The following UNC5A variants were observed in gnomAD, a reference collection of about 807,000 sequenced individuals.
UNC5A encodes unc-5 netrin receptor A, also known as netrin receptor UNC5A.
A neutral mutation model predicts 87.4 loss-of-function variants in UNC5A; 20 were observed. The ratio of observed to expected loss-of-function variants is 0.23; its 90% CI spans 0.16 to 0.33. The LOEUF (loss-of-function observed/expected upper bound fraction) is 0.33, where lower values mean the gene tolerates loss of function less well. Ranked by LOEUF, UNC5A falls within the 10% of genes least tolerant of loss-of-function variation. The pLI is 1.00. For synonymous variants in UNC5A, 438 were observed against 482.3 expected, an observed-to-expected ratio of 0.91 and a Z score of 1.20; for missense variants, 844 against 1,133.4, an observed-to-expected ratio of 0.74 and a Z score of 3.67.
At chr5:176,856,038 C>A (rs1296060813) in intron 1 of UNC5A, among the ~76,000 whole-genome samples, 2 of 152,226 alleles carry the variant, frequency 1.3e-5, no homozygotes, top group Non-Finnish European at 2.9e-5. Flanking sequence ...CCTGGGGAAG[C>A]AGCACCCACC....
intron 1 of UNC5A, among the ~76,000 whole-genome samples, chr5:176,813,022 G>A (rs748337173): frequency 6.6e-6 from 1 of 152,210 alleles, no homozygotes; most frequent in African/African-American, 2.4e-5. Context: ...GGGGGCCAGC[G>A]CGACTGACTG....
At chr5:176,814,995 C>T (rs2113577776) in intron 1 of UNC5A, among the ~76,000 whole-genome samples, 1 of 152,260 alleles carries the variant, frequency 6.6e-6, no homozygotes, top group East Asian at 1.9e-4. Flanking sequence ...AAACTAGGCC[C>T]CATCCTGGGG....
chr5:176,843,313 C>A (rs1460170475), intron 1 of UNC5A, among the ~76,000 whole-genome samples: 1 of 152,228 alleles, frequency 6.6e-6, no homozygotes, highest in African/African-American at 2.4e-5. Flanking sequence ...TGGGTTCAGG[C>A]CACTCAGAGG....
rs142998960 is a variant in UNC5A at position 176,878,025 on chromosome 5, C to T, written c.1767C>T (p.Ala589=). 25 of 1,608,082 alleles carry T rather than the reference C, an allele frequency of 1.6e-5. No homozygotes were observed. Among genetic ancestry groups the T allele is most frequent in the African/African-American group, 5.3e-5 (4 of 74,922 alleles). ...TGGGAGAGGCCCTCAGCGTGGCTGC[C>T]GCCAAGCGCCTCAAGCTGCTTCTGT... ...ALVGEALSVA[A]AKRLKLLLFA... is the part of the protein sequence containing the mutation. The change falls in exon 11 of 15, where the codon GCC becomes GCT. Residue 589 remains alanine, a synonymous_variant. Transcript: ENST00000329542.
At chr5:176,855,849 G>A (rs1757654660) in intron 1 of UNC5A, among the ~76,000 whole-genome samples, 1 of 152,212 alleles carries the variant, frequency 6.6e-6, no homozygotes, top group Non-Finnish European at 1.5e-5. Flanking sequence ...AATGCTGGCT[G>A]CTGTGCCCCA....
rs1757266621 is a variant in UNC5A at position 176,841,145 on chromosome 5, G to A, written c.71-21479G>A. On this transcript the variant is annotated intron_variant, in intron 1 of 14. Coordinates refer to ENST00000329542, the MANE Select transcript of UNC5A (RefSeq NM_133369.3). The surrounding 1 kb of genome is among the most constrained non-coding windows in gnomAD (Gnocchi z 4.1). ...CTTCAGCTAAACTTGTAAGGTCAGG[G>A]GGTCAGGACCACATGGTAATGATCA... 6.6e-6 allele frequency among the ~76,000 whole-genome samples: 1 copy of A among 152,230 alleles called. No individual in the cohort carries two copies.
In UNC5A at chr5:176,874,466, C is replaced by T. The variant is rs566342910; in HGVS notation, c.1278C>T (p.Leu426=). ...TSEAEEFVSR[L]STQNYFRSLP... ...AGGCCGAGGAGTTCGTCTCCCGCCT[C>T]TCCACCCAGAACTACTTCCGCTCCC... is the stretch of plus-strand genomic sequence containing the variant. The change falls in exon 8 of 15, where the codon CTC becomes CTT. Residue 426 remains leucine, a synonymous_variant. Coordinates refer to ENST00000329542, the MANE Select transcript of UNC5A (RefSeq NM_133369.3). This position sits in a 1 kb window ranked among gnomAD's most constrained non-coding sequence, Gnocchi z 7.6. The T allele has an allele frequency of 2.5e-5, 40 of 1,613,354 alleles. No homozygotes were observed. In the South Asian group the frequency reaches 4.0e-4, roughly 16 times the overall value.
chr5:176,867,250 G>A lies in UNC5A; in HGVS notation c.293-880G>A, dbSNP rs146713419. Among the ~76,000 whole-genome samples the A allele has an allele frequency of 2.9e-3, 435 of 152,270 alleles. 4 individuals carry two copies. The highest frequency in any genetic ancestry group is 9.5e-3 in the African/African-American group (394 of 41,538). The stretch of plus-strand genomic sequence containing the variant: ...GGGGATGCTGGTTTTGGCTACAGAC[G>A]GGGCAGGAGGAGGGTTGCTGCCCCC... On this transcript the variant is annotated intron_variant, in intron 2 of 14. Transcript: ENST00000329542.
At chr5:176,872,847 C>T (rs1581277310) in intron 6 of UNC5A, among the ~76,000 whole-genome samples, 3 of 135,776 alleles carry the variant, frequency 2.2e-5, no homozygotes, top group Admixed American at 7.2e-5. Flanking sequence ...TTCCCATCTG[C>T]CCACACTCAC....
rs1581271456 is a variant in UNC5A, at chr5:176,865,598, A to G, written c.293-2532A>G. The G allele has an allele frequency of 6.6e-6, 3 of 456,872 alleles. No homozygotes were observed. The highest frequency in any genetic ancestry group is 4.6e-5 in the South Asian group (3 of 64,578). 28.3% of individuals were successfully genotyped at this position (456,872 alleles called of 1,614,324 possible). On this transcript the variant is annotated intron_variant, in intron 2 of 14. Coordinates refer to ENST00000329542, the MANE Select transcript of UNC5A (RefSeq NM_133369.3). The surrounding 1 kb of genome is among the most constrained non-coding windows in gnomAD (Gnocchi z 5.3). ...ATTGATCTCATCGATTTCTCAACCC[A>G]AAGCCATCGAGTGCTTTGAGGTGAA...
Position 176,880,062 on chromosome 5 carries a change from C to T in UNC5A, c.*176C>T. ...GACCCTGCCCGAACTCCCACCTCTC[C>T]ATGGCCTGCCTAGCCAGGCTGGCAC... On this transcript the variant is annotated 3_prime_UTR_variant, in exon 15 of 15. Transcript: ENST00000329542. The T allele has an allele frequency of 2.4e-6, 2 of 831,184 alleles. No individual in the cohort carries two copies. Among genetic ancestry groups the T allele is most frequent in the Non-Finnish European group, 3.6e-6 (2 of 553,958 alleles). 51.5% of individuals were successfully genotyped at this position (831,184 alleles called of 1,614,324 possible).
intron 1 of UNC5A, among the ~76,000 whole-genome samples, chr5:176,855,687 T>C (rs372595868): frequency 1.9e-4 from 29 of 152,284 alleles, no homozygotes; most frequent in African/African-American, 7.0e-4. Flanking sequence ...TGGCACGTCA[T>C]CCTGTGGCAC....
rs1757985152 is a variant in UNC5A, at chr5:176,866,776, T to C, written c.293-1354T>C. Among the ~76,000 whole-genome samples, 1 of 152,116 alleles carries C rather than the reference T, an allele frequency of 6.6e-6. No individual in the cohort carries two copies. The highest frequency in any genetic ancestry group is 1.5e-5 in the Non-Finnish European group (1 of 68,020). The stretch of plus-strand genomic sequence containing the variant: ...GTGAGCCACCCCCTCGTTCTCAGCC[T>C]GCCCACCCCACCCCCTGAGAGTGTC... On this transcript the variant is annotated intron_variant, in intron 2 of 14. Transcript: ENST00000329542. This position sits in a 1 kb window ranked among gnomAD's most constrained non-coding sequence, Gnocchi z 5.0.
intron 2 of UNC5A, among the ~76,000 whole-genome samples, 179 bp downstream of exon 2, chr5:176,863,024 A>G (rs1429519620): frequency 6.6e-6 from 1 of 152,228 alleles, no homozygotes; most frequent in Admixed American, 6.5e-5. Flanking sequence ...CCTGATGACC[A>G]AGGAGCTCCC....
intron 1 of UNC5A, among the ~76,000 whole-genome samples, chr5:176,842,289 C>G (rs1462002845): frequency 6.6e-6 from 1 of 152,250 alleles, no homozygotes; most frequent in Non-Finnish European, 1.5e-5. Context: ...TAAACTAGTA[C>G]AGCCACTATG....
At chr5:176,870,253 A>C in intron 5 of UNC5A, 117 bp from the exon 6 acceptor site, 1 of 1,350,530 alleles carries the variant, frequency 7.4e-7, no homozygotes, top group Non-Finnish European at 1.0e-6. Context: ...TTTGCACCCA[A>C]ATCCAGGCTG....
chr5:176,870,389 G>A lies in UNC5A; in HGVS notation c.741G>A (p.Pro247=), dbSNP rs574597045. The change falls in exon 6 of 15, where the codon CCG becomes CCA. Residue 247 remains proline, a synonymous_variant. Transcript: ENST00000329542. ...VIVYVDGSWS[P]WSKWSACGLD... Reference sequence around the variant, plus strand: ...ATCTAGTGGACGGCAGCTGGAGCCCGTGGAGCAAGTGGTCGGCCTGTGGGC... The same window carrying A: ...ATCTAGTGGACGGCAGCTGGAGCCCATGGAGCAAGTGGTCGGCCTGTGGGC... 2.2e-5 allele frequency: 36 copies of A among 1,611,808 alleles called. No individual in the cohort carries two copies. The highest frequency in any genetic ancestry group is 4.5e-5 in the East Asian group (2 of 44,868).
At position 176,870,474 on chromosome 5, in the gene UNC5A, G is replaced by A. The variant is rs759241998; in HGVS notation, c.826G>A (p.Glu276Lys). 6 of 1,611,040 alleles carry A rather than the reference G, an allele frequency of 3.7e-6. No individual in the cohort carries two copies. In the Middle Eastern group the frequency reaches 5.0e-4, roughly 133 times the overall value. ...TGACCCAGCACCCCGCAACGGAGGG[G>A]AGGAGTGCCAGGGCACTGACCTGGA... ...CSDPAPRNGG[E>K]ECQGTDLDTR... The change falls in exon 6 of 15, where the codon GAG becomes AAG. Residue 276 changes from glutamate (E) to lysine (K), a missense_variant. By Grantham distance (56) the Glu-to-Lys change is moderately conservative (BLOSUM62 1). Around this residue, in one of 3 missense-constraint regions of UNC5A, gnomAD observed 314 missense variants for 466.5 expected, o/e 0.67. Coordinates refer to ENST00000329542, the MANE Select transcript of UNC5A (RefSeq NM_133369.3).
At position 176,810,677 on chromosome 5, in the gene UNC5A, G is replaced by C. The variant is rs1276665856; in HGVS notation, c.-74G>C. 4 of 533,348 alleles carry C rather than the reference G, an allele frequency of 7.5e-6. No individual in the cohort carries two copies. Among genetic ancestry groups the C allele is most frequent in the Non-Finnish European group, 9.6e-6 (4 of 415,564 alleles). The allele number at this position is 533,348 out of a possible 1,614,324, so 33.0% of individuals were successfully genotyped here. A position where few individuals can be genotyped will look rare whatever the true frequency, so the allele number is the denominator to read the frequency against. On this transcript the variant is annotated 5_prime_UTR_variant, in exon 1 of 15. Transcript: ENST00000329542. The surrounding 1 kb of genome is among the most constrained non-coding windows in gnomAD (Gnocchi z 7.3). ...CGGGGGCGCCCCGAGCTGGGGCTCC[G>C]GGCTGAGGCGCTAAAGCCGCCCTCC...
Sources: allele counts gnomAD v4.1 joint callset (sites outside exome capture counted in the v4.1 genomes callset), GRCh38; gene constraint gnomAD v4.1.1; regional missense constraint gnomAD v4.1.1; non-coding constraint Gnocchi (gnomAD v3.1); transcripts MANE v1.5; gene names NCBI Gene and HGNC (gene_info 2026-07-23, HGNC 2026-07-21).